NLGN4X: variants seen among roughly 807,000 people sequenced by gnomAD.
NLGN4X encodes neuroligin 4 X-linked.
Under a neutral mutation model 40.3 loss-of-function variants are expected in NLGN4X, and 3 were observed. The observed-to-expected ratio is 0.07, with a 90% CI of 0.03 to 0.19. NLGN4X has a LOEUF of 0.19. NLGN4X is among the 10% of genes least tolerant of loss of function. The pLI, the probability that NLGN4X is intolerant of heterozygous loss-of-function variation, is 1.00. For missense variants in NLGN4X, 382 were observed against 708.3 expected (o/e 0.54, Z 5.23); for synonymous variants, 270 against 306.8 (o/e 0.88, Z 1.25).
intron 2 of NLGN4X, among the ~76,000 whole-genome samples, chrX:6,116,422 TTTTTTTTTTTTG>T (rs2039301501): frequency 2.4e-5 from 1 of 41,620 alleles, no homozygotes; most frequent in Non-Finnish European, 4.4e-5. Flanking sequence ...TTTTTTTTTT[TTTTTTTTTTTTG>T]AGACAGCGTC....
chrX:5,916,124 T>A (rs997679425), intron 3 of NLGN4X, among the ~76,000 whole-genome samples: 1 of 111,202 alleles, frequency 9.0e-6, no homozygotes, highest in East Asian at 2.8e-4. Context: ...CCCAGGAAAA[T>A]GAAAATTGGA....
intron 2 of NLGN4X, among the ~76,000 whole-genome samples, chrX:6,116,121 G>A (rs895889770): frequency 1.9e-5 from 2 of 105,886 alleles, no homozygotes; most frequent in East Asian, 3.0e-4. Flanking sequence ...GTGAAACCCC[G>A]TCTCTACTCA....
At chrX:6,143,198 G>A (rs1173967939) in intron 2 of NLGN4X, among the ~76,000 whole-genome samples, 1 of 111,988 alleles carries the variant, frequency 8.9e-6, no homozygotes, top group Non-Finnish European at 1.9e-5. Flanking sequence ...CCTCTCAGCC[G>A]CCTCTATTTT....
rs1418909139 is a variant in NLGN4X, at chrX:5,995,309, A to G, written c.625+33971T>C. Among the ~76,000 whole-genome samples the G allele has an allele frequency of 4.4e-5, 5 of 113,075 alleles. No homozygotes were observed. In the Admixed American group the frequency reaches 4.7e-4, roughly 11 times the overall value. ...ACAGGAACAGACAGACAGATGAGTC[A>G]GGGAGAAGCGAAGTTGATGGAAGAT... On this transcript the variant is annotated intron_variant, in intron 3 of 5. Transcript: ENST00000381095.
At chrX:5,926,888 T>C (rs1344362587) in intron 3 of NLGN4X, among the ~76,000 whole-genome samples, 1 of 109,496 alleles carries the variant, frequency 9.1e-6, no homozygotes, top group African/African-American at 3.3e-5. Flanking sequence ...TTCTTATCTA[T>C]CTATCTAGAG....
intron 2 of NLGN4X, among the ~76,000 whole-genome samples, chrX:6,048,643 AC>A (rs1416234031): frequency 9.0e-6 from 1 of 111,666 alleles, no homozygotes; most frequent in Non-Finnish European, 1.9e-5. Context: ...GTACATATAC[AC>A]CATGGAATAC....
intron 2 of NLGN4X, among the ~76,000 whole-genome samples, chrX:6,117,053 A>G (rs966234112): frequency 4.0e-4 from 44 of 111,287 alleles, no homozygotes; most frequent in African/African-American, 1.4e-3. Context: ...ACAATGCACT[A>G]ATGGGATTAG....
intron 2 of NLGN4X, among the ~76,000 whole-genome samples, chrX:6,035,918 A>G (rs773335194): frequency 8.9e-6 from 1 of 112,174 alleles, no homozygotes; most frequent in South Asian, 3.7e-4. Context: ...CATTGTATAT[A>G]TAACATACAA....
chrX:5,981,734 G>C (rs1432091468), intron 3 of NLGN4X, among the ~76,000 whole-genome samples: 1 of 110,758 alleles, frequency 9.0e-6, no homozygotes, highest in East Asian at 2.8e-4. Context: ...CTGATTGATA[G>C]ATAAATAATC....
chrX:6,146,567 T>C (rs914028117), intron 2 of NLGN4X, among the ~76,000 whole-genome samples: 8 of 110,864 alleles, frequency 7.2e-5, no homozygotes, highest in Non-Finnish European at 7.5e-5. Flanking sequence ...TCAACAATCA[T>C]AGCAAGCTTA....
At chrX:5,899,673 T>C (rs1262351439) in intron 5 of NLGN4X, among the ~76,000 whole-genome samples, 1 of 103,886 alleles carries the variant, frequency 9.6e-6, no homozygotes, top group Admixed American at 1.1e-4. Flanking sequence ...TTCCTTTATC[T>C]TTTTCTGTCT....
At chrX:6,176,560 AC>A (rs779059284) in intron 1 of NLGN4X, among the ~76,000 whole-genome samples, 1 of 112,258 alleles carries the variant, frequency 8.9e-6, no homozygotes, top group South Asian at 3.8e-4. Flanking sequence ...CAGTGGGTCC[AC>A]ATAATCACAA....
intron 2 of NLGN4X, among the ~76,000 whole-genome samples, chrX:6,081,693 G>A (rs2038354255): frequency 8.9e-6 from 1 of 112,219 alleles, no homozygotes; most frequent in South Asian, 3.7e-4. Context: ...AAGATACCTA[G>A]CCTGCAGGGC....
In NLGN4X at chrX:5,922,388, A is replaced by G. The variant is rs1020311686; in HGVS notation, c.626-13149T>C. Among the ~76,000 whole-genome samples, 9 of 111,714 alleles carry G rather than the reference A, an allele frequency of 8.1e-5. No homozygotes were observed. The East Asian group carries it at 2.5e-3, about 31-fold the overall frequency. ...CAAAGAAATGATAAATGTTTTAGAT[A>G]ATGGATATGCTAATTACTTAGATCT... On this transcript the variant is annotated intron_variant, in intron 3 of 5. Transcript: ENST00000381095.
At chrX:5,925,378 ATTC>A (rs1291622764) in intron 3 of NLGN4X, among the ~76,000 whole-genome samples, 2 of 111,766 alleles carry the variant, frequency 1.8e-5, no homozygotes, top group African/African-American at 3.2e-5. Context: ...CCATAATACA[ATTC>A]TTCTTCTCAT....
chrX:5,963,773 T>A (rs1189590305), intron 3 of NLGN4X, among the ~76,000 whole-genome samples: 2 of 112,305 alleles, frequency 1.8e-5, no homozygotes, highest in African/African-American at 6.5e-5. Flanking sequence ...TGCAGAGATG[T>A]TCTCTTCACT....
intron 5 of NLGN4X, among the ~76,000 whole-genome samples, chrX:5,901,132 A>C (rs1310589666): frequency 2.7e-5 from 3 of 111,319 alleles, no homozygotes; most frequent in Non-Finnish European, 5.7e-5. Context: ...CACTCCAAAA[A>C]CATGCTGTAC....
At chrX:6,176,456 C>T (rs968888020) in intron 1 of NLGN4X, among the ~76,000 whole-genome samples, 3 of 112,241 alleles carry the variant, frequency 2.7e-5, no homozygotes, top group Non-Finnish European at 5.6e-5. Context: ...CTTTGTGTGA[C>T]CTTACATGGA....
At chrX:6,090,767 A>T (rs1421973225) in intron 2 of NLGN4X, among the ~76,000 whole-genome samples, 1 of 107,945 alleles carries the variant, frequency 9.3e-6, no homozygotes, top group Non-Finnish European at 1.9e-5. Flanking sequence ...AATATTTGAC[A>T]ATGTCTGGAG....
Sources: allele counts gnomAD v4.1 joint callset (sites outside exome capture counted in the v4.1 genomes callset), GRCh38; gene constraint gnomAD v4.1.1; transcripts MANE v1.5; gene names NCBI Gene and HGNC (gene_info 2026-07-23, HGNC 2026-07-21).